TFCP2L1: variants seen among roughly 807,000 people sequenced by gnomAD.
The protein encoded by TFCP2L1 is transcription factor CP2 like 1, also known as transcription factor CP2-like protein 1.
A neutral mutation model predicts 72.2 loss-of-function variants in TFCP2L1; 12 were observed. That is an observed-to-expected ratio of 0.17 (90% CI 0.11 to 0.27). The LOEUF is 0.27. Ranked by LOEUF, TFCP2L1 falls within the 10% of genes least tolerant of loss-of-function variation. The pLI, the probability that TFCP2L1 is intolerant of heterozygous loss-of-function variation, is 1.00. For missense variants in TFCP2L1, 488 were observed against 624.6 expected (o/e 0.78, Z 2.33); for synonymous variants, 260 against 251.0 (o/e 1.04, Z -0.34).
rs1685880092 is a variant in TFCP2L1 at position 121,218,894 on chromosome 2, C to G, written c.*5447G>C. 2.0e-5 allele frequency: 3 copies of G among 152,286 alleles called. No homozygotes were observed. Among genetic ancestry groups the G allele is most frequent in the Admixed American group, 6.5e-5 (1 of 15,276 alleles). 9.4% of individuals were successfully genotyped at this position (152,286 alleles called of 1,614,324 possible). A position where few individuals can be genotyped will look rare whatever the true frequency, so the allele number is the denominator to read the frequency against. On this transcript the variant is annotated 3_prime_UTR_variant, in exon 15 of 15. Coordinates refer to ENST00000263707, the MANE Select transcript of TFCP2L1 (RefSeq NM_014553.3). Reference sequence around the variant, plus strand: ...GCTAAGTGGGGGTTTCAGGAGCTCTCAGGGTGCCCCTGGGCAGGTCCCAAG... The same window carrying G: ...GCTAAGTGGGGGTTTCAGGAGCTCTGAGGGTGCCCCTGGGCAGGTCCCAAG...
intron 13 of TFCP2L1, among the ~76,000 whole-genome samples, chr2:121,230,667 G>A (rs1157201369): frequency 6.6e-6 from 1 of 152,064 alleles, no homozygotes; most frequent in African/African-American, 2.4e-5. Context: ...CAGCTACTTA[G>A]GAGCCTGAGG....
intron 8 of TFCP2L1, 68 bp from the exon 9 acceptor site, chr2:121,237,918 C>G: frequency 1.3e-6 from 2 of 1,540,274 alleles, no homozygotes; most frequent in East Asian, 4.6e-5. Flanking sequence ...GGTCCCGGCA[C>G]CCAGCCTGGC....
At chr2:121,271,468 CA>C (rs1238342470) in intron 2 of TFCP2L1, among the ~76,000 whole-genome samples, 4 of 151,932 alleles carry the variant, frequency 2.6e-5, no homozygotes, top group Admixed American at 6.6e-5. Context: ...AAGGGGAAAA[CA>C]TTTTTTTAAG....
intron 2 of TFCP2L1, among the ~76,000 whole-genome samples, chr2:121,273,372 G>A (rs972021356): frequency 6.6e-6 from 1 of 152,122 alleles, no homozygotes; most frequent in African/African-American, 2.4e-5. Context: ...CCTTCGGGAA[G>A]ATATGTCTAC....
chr2:121,239,489 G>A lies in TFCP2L1; in HGVS notation c.860+69C>T. The A allele has an allele frequency of 1.9e-6, 3 of 1,552,780 alleles. No homozygotes were observed. The South Asian group carries it at 3.4e-5, about 17-fold the overall frequency. On this transcript the variant is annotated intron_variant, in intron 8 of 14. Coordinates refer to ENST00000263707, the MANE Select transcript of TFCP2L1 (RefSeq NM_014553.3). The stretch of plus-strand genomic sequence containing the variant: ...CAGAAAGGAGAGGAGACCCAGAAAG[G>A]AAGACTAAGAAAGGAAAGTACACCT...
intron 13 of TFCP2L1, 38 bp downstream of exon 13, chr2:121,231,788 G>C (rs779957333): frequency 6.2e-7 from 1 of 1,606,678 alleles, no homozygotes; most frequent in Non-Finnish European, 8.5e-7. Context: ...CCGTGGCCCA[G>C]AGCCCGTTGT....
At chr2:121,273,810 T>C (rs547722321) in intron 2 of TFCP2L1, among the ~76,000 whole-genome samples, 2 of 152,360 alleles carry the variant, frequency 1.3e-5, no homozygotes, top group East Asian at 3.9e-4. Context: ...GAAAAATGTC[T>C]TGAATGATGT....
intron 2 of TFCP2L1, among the ~76,000 whole-genome samples, chr2:121,255,235 T>C (rs532222852): frequency 4.6e-5 from 7 of 152,344 alleles, no homozygotes; most frequent in Non-Finnish European, 8.8e-5. Flanking sequence ...GTGTGCCGAA[T>C]GTTGTACAGC....
In TFCP2L1 at chr2:121,239,579, T is replaced by C; in HGVS notation, c.839A>G (p.Asn280Ser). The C allele has an allele frequency of 6.2e-7, 1 of 1,614,180 alleles. No homozygotes were observed. Among genetic ancestry groups the C allele is most frequent in the Non-Finnish European group, 8.5e-7 (1 of 1,180,030 alleles). ...GTACCCTTCGCCGAGGCCAAAGCTG[T>C]TTGGAGAACCATTGTAGCTTGGGGA... The part of the protein sequence containing the change: ...APSPSYNGSP[N>S]SFGLGEGNAS... The change falls in exon 8 of 15, where the codon AAC becomes AGC. Residue 280 changes from asparagine to serine, a missense_variant. Transcript: ENST00000263707.
chr2:121,284,611 G>A (rs1269755378), intron 1 of TFCP2L1, among the ~76,000 whole-genome samples: 4 of 152,242 alleles, frequency 2.6e-5, no homozygotes, highest in Admixed American at 2.0e-4. Flanking sequence ...GGCTGGGAGA[G>A]GGGCCCCGGC....
chr2:121,263,469 CAAAAAA>C (rs10603088), intron 2 of TFCP2L1, among the ~76,000 whole-genome samples: 1 of 67,484 alleles, frequency 1.5e-5, no homozygotes, highest in Non-Finnish European at 2.9e-5. Context: ...CTGTTTTTGG[CAAAAAA>C]AAAAAAAAAA....
chr2:121,261,668 T>A (rs1217474150), intron 2 of TFCP2L1, among the ~76,000 whole-genome samples: 2 of 152,070 alleles, frequency 1.3e-5, no homozygotes, highest in African/African-American at 4.8e-5. Flanking sequence ...AGGCAACCAT[T>A]ACAATAATAA....
At chr2:121,234,361 G>C (rs1479759239) in intron 11 of TFCP2L1, 167 bp from the exon 12 acceptor site, 4 of 623,580 alleles carry the variant, frequency 6.4e-6, no homozygotes, top group Non-Finnish European at 1.1e-5. Flanking sequence ...CCCAGGTCCC[G>C]CAGCCTGCCA....
intron 2 of TFCP2L1, among the ~76,000 whole-genome samples, chr2:121,255,836 G>A (rs534602082): frequency 2.0e-5 from 3 of 151,398 alleles, no homozygotes; most frequent in African/African-American, 2.4e-5. Context: ...TCTGCCTCCC[G>A]GGTTCACGCC....
At position 121,237,610 on chromosome 2, in the gene TFCP2L1, C is replaced by T. The variant is rs754641366; in HGVS notation, c.1003+13G>A. The T allele has an allele frequency of 6.2e-6, 10 of 1,613,936 alleles. No homozygotes were observed. The highest frequency in any genetic ancestry group is 2.2e-5 in the East Asian group (1 of 44,890). On this transcript the variant is annotated intron_variant, in intron 10 of 14. Coordinates refer to ENST00000263707, the MANE Select transcript of TFCP2L1 (RefSeq NM_014553.3). ...ATACTCATGGGCTTTAAACACAGTT[C>T]GGAGATGCTCACCTGAGAAGCTGGC...
At chr2:121,267,706 G>C (rs1306715977) in intron 2 of TFCP2L1, among the ~76,000 whole-genome samples, 2 of 152,070 alleles carry the variant, frequency 1.3e-5, no homozygotes, top group Non-Finnish European at 2.9e-5. Flanking sequence ...TGTTAGCCAG[G>C]ATGGTCTCGA....
At chr2:121,261,661 C>A (rs886759243) in intron 2 of TFCP2L1, among the ~76,000 whole-genome samples, 1 of 152,148 alleles carries the variant, frequency 6.6e-6, no homozygotes, top group African/African-American at 2.4e-5. Context: ...CACCATTAGG[C>A]AACCATTACA....
At chr2:121,231,214 G>C (rs187119572) in intron 13 of TFCP2L1, among the ~76,000 whole-genome samples, 1 of 152,334 alleles carries the variant, frequency 6.6e-6, no homozygotes, top group African/African-American at 2.4e-5. Context: ...AGGGGTCCAG[G>C]ATAGAACAAA....
At chr2:121,242,875 AACTCTCAGG>A (rs1234075380) in intron 6 of TFCP2L1, among the ~76,000 whole-genome samples, 2 of 152,080 alleles carry the variant, frequency 1.3e-5, no homozygotes, top group Non-Finnish European at 2.9e-5. Context: ...CCTTACCCCC[AACTCTCAGG>A]ACTCCCGCTA....
Sources: allele counts gnomAD v4.1 joint callset (sites outside exome capture counted in the v4.1 genomes callset), GRCh38; gene constraint gnomAD v4.1.1; transcripts MANE v1.5; gene names NCBI Gene and HGNC (gene_info 2026-07-23, HGNC 2026-07-21).